Variants in ZNF573 observed in about 807,000 individuals in gnomAD.
ZNF573 encodes the protein zinc finger protein 573.
Under a neutral mutation model 57.4 loss-of-function variants are expected in ZNF573, and 41 were observed. The observed-to-expected ratio is 0.71, with a 90% CI of 0.56 to 0.93. The LOEUF is 0.93. ZNF573 is among the 40% of genes least tolerant of loss of function. ZNF573 has a pLI of 0.00. For synonymous variants in ZNF573, 249 were observed against 261.0 expected (o/e 0.95, Z 0.44); for missense variants, 730 against 794.8 (o/e 0.92, Z 0.98).
chr19:37,769,727 G>GAAAAAAAAAAAAAAAAAA (rs397944905), intron 4 of ZNF573, among the ~76,000 whole-genome samples: 3 of 55,212 alleles, frequency 5.4e-5, no homozygotes, highest in African/African-American at 7.0e-5. Context: ...CTCTGTCTCG[G>GAAAAAAAAAAAAAAAAAA]AAAAAAAAAA....
chr19:37,754,938 G>C (rs558261611), intron 4 of ZNF573, among the ~76,000 whole-genome samples: 2 of 152,020 alleles, frequency 1.3e-5, no homozygotes, highest in Non-Finnish European at 2.9e-5. Flanking sequence ...TAGAGGTAAA[G>C]AATAACAGTC....
At chr19:37,766,061 A>G (rs1207676434) in intron 4 of ZNF573, among the ~76,000 whole-genome samples, 1 of 152,168 alleles carries the variant, frequency 6.6e-6, no homozygotes, top group Admixed American at 6.5e-5. Flanking sequence ...GAAAAGAGAA[A>G]AGACCAAATA....
At chr19:37,763,348 C>T (rs1014023055) in intron 4 of ZNF573, among the ~76,000 whole-genome samples, 4 of 151,486 alleles carry the variant, frequency 2.6e-5, no homozygotes, top group Non-Finnish European at 4.4e-5. Context: ...TTTGGGAGGC[C>T]GTGGTGGGCA....
rs141540761 is a variant in ZNF573 at position 37,740,456 on chromosome 19, A to T, written c.296-262T>A. 39 of 469,174 alleles carry T rather than the reference A, an allele frequency of 8.3e-5. 1 individual carries two copies. The highest frequency in any genetic ancestry group is 5.9e-4 in the African/African-American group (30 of 51,212). The allele number at this position is 469,174 out of a possible 1,614,324, so 29.1% of individuals were successfully genotyped here. ...GACAAGCTTGTTCCAAATCTGCTATATTGGCACCGTCAAAGACCAAGTGAA... is the reference window on the plus strand; with the variant it reads ...GACAAGCTTGTTCCAAATCTGCTATTTTGGCACCGTCAAAGACCAAGTGAA... On this transcript the variant is annotated intron_variant, in intron 4 of 4. Transcript: ENST00000536220.
At chr19:37,772,658 C>T (rs2045669794) in intron 2 of ZNF573, among the ~76,000 whole-genome samples, 1 of 145,806 alleles carries the variant, frequency 6.9e-6, no homozygotes, top group Admixed American at 6.9e-5. Flanking sequence ...TTTTTTGAGA[C>T]AGGCTCACTC....
chr19:37,760,442 T>C (rs1472833767), intron 4 of ZNF573, among the ~76,000 whole-genome samples: 1 of 152,128 alleles, frequency 6.6e-6, no homozygotes, highest in East Asian at 1.9e-4. Flanking sequence ...TTATAACTCA[T>C]GGAATAAAAT....
chr19:37,763,211 A>G lies in ZNF573; in HGVS notation c.295+6794T>C, dbSNP rs140989658. ...ATGCATGAATCACTGCAGCCATGCCACAGGGTGCTGAGCACCAAATACCCA... is the reference window on the plus strand; with the variant it reads ...ATGCATGAATCACTGCAGCCATGCCGCAGGGTGCTGAGCACCAAATACCCA... On this transcript the variant is annotated intron_variant, in intron 4 of 4. Transcript: ENST00000536220. Among the ~76,000 whole-genome samples the G allele has an allele frequency of 2.6e-5, 4 of 152,002 alleles. No individual in the cohort carries two copies. In the East Asian group the frequency reaches 7.7e-4, roughly 29 times the overall value.
At chr19:37,771,499 T>A (rs544264444) in intron 3 of ZNF573, 65 bp downstream of exon 3, 5 of 1,542,644 alleles carry the variant, frequency 3.2e-6, no homozygotes, top group Non-Finnish European at 4.4e-6. Context: ...GCCTTGAAAT[T>A]CATTGTGTTG....
chr19:37,739,778 T>G lies in ZNF573; in HGVS notation c.712A>C (p.Arg238=). The G allele has an allele frequency of 6.2e-7, 1 of 1,614,148 alleles. No individual in the cohort carries two copies. The highest frequency in any genetic ancestry group is 8.5e-7 in the Non-Finnish European group (1 of 1,180,008). Residue 238 remains arginine (R), a synonymous_variant, in exon 5 of 5, where the codon AGA becomes CGA. Transcript: ENST00000536220. The part of the protein sequence containing the change: ...IYASHIVQHE[R]IHTGGKPYEC... Reference sequence around the variant, plus strand: ...TACGGCTTCCCACCAGTGTGAATTCTCTCATGTTGAACAATGTGTGAGGCA... The same window carrying G: ...TACGGCTTCCCACCAGTGTGAATTCGCTCATGTTGAACAATGTGTGAGGCA...
rs111936851 is a variant in ZNF573, at chr19:37,746,487, G to C, written c.296-6293C>G. ...GTCAGAGACATTAGTATGAACTCAT[G>C]TTTAGCTTCAGATGCATACAAATGG... is the stretch of plus-strand genomic sequence containing the variant. On this transcript the variant is annotated intron_variant, in intron 4 of 4. Transcript: ENST00000536220. Among the ~76,000 whole-genome samples, 378 of 152,272 alleles carry C rather than the reference G, an allele frequency of 2.5e-3. 2 individuals are homozygous for C. The highest frequency in any genetic ancestry group is 8.8e-3 in the African/African-American group (367 of 41,566).
chr19:37,778,241 T>C (rs952801557), intron 1 of ZNF573, among the ~76,000 whole-genome samples: 1 of 143,402 alleles, frequency 7.0e-6, no homozygotes, highest in African/African-American at 2.5e-5. Flanking sequence ...TAAGGCTGGG[T>C]GCGGTGGCTC....
intron 4 of ZNF573, among the ~76,000 whole-genome samples, chr19:37,769,408 C>T (rs181094079): frequency 2.6e-4 from 40 of 151,938 alleles, no homozygotes; most frequent in Non-Finnish European, 4.7e-4. Context: ...ACAGTTGAGT[C>T]CAAAATACAG....
intron 4 of ZNF573, chr19:37,759,202 T>G: frequency 1.7e-6 from 1 of 584,058 alleles, no homozygotes; most frequent in African/African-American, 2.0e-5. Flanking sequence ...TAATTACATA[T>G]TATAGAATTA....
At chr19:37,767,363 G>A (rs1383630329) in intron 4 of ZNF573, among the ~76,000 whole-genome samples, 2 of 152,024 alleles carry the variant, frequency 1.3e-5, no homozygotes, top group Non-Finnish European at 2.9e-5. Context: ...TGAGTAGCTG[G>A]GACTACAGGC....
intron 4 of ZNF573, among the ~76,000 whole-genome samples, chr19:37,758,181 C>A (rs1368439445): frequency 9.9e-6 from 1 of 100,714 alleles, no homozygotes; most frequent in African/African-American, 3.7e-5. Flanking sequence ...CACATGTACC[C>A]TAGAACTTAA....
rs537798274 is a variant in ZNF573, at chr19:37,738,639, C to T, written c.1851G>A (p.Lys617=). 6.2e-7 allele frequency: 1 copy of T among 1,611,946 alleles called. No individual in the cohort carries two copies. The highest frequency in any genetic ancestry group is 1.7e-5 in the Admixed American group (1 of 59,558). ...GKPYECKECG[K]AFSRASNLVQ... The stretch of plus-strand genomic sequence containing the variant: ...CAAGGTTTGAAGCACGACTGAAGGC[C>T]TTCCCACATTCTTTACATTCATAAG... The change falls in exon 5 of 5, where the codon AAG becomes AAA. Residue 617 remains lysine, a synonymous_variant. Transcript: ENST00000536220.
intron 4 of ZNF573, among the ~76,000 whole-genome samples, chr19:37,742,657 A>G (rs950806923): frequency 6.6e-6 from 1 of 152,138 alleles, no homozygotes; most frequent in African/African-American, 2.4e-5. Flanking sequence ...CCTTCCTTAC[A>G]CCTTATGTAA....
At chr19:37,745,538 G>T (rs781254758) in intron 4 of ZNF573, among the ~76,000 whole-genome samples, 1 of 152,044 alleles carries the variant, frequency 6.6e-6, no homozygotes, top group African/African-American at 2.4e-5. Flanking sequence ...TGGGATTATA[G>T]GTGCTTGCCA....
chr19:37,764,767 C>A (rs1404357927), intron 4 of ZNF573, among the ~76,000 whole-genome samples: 1 of 150,366 alleles, frequency 6.7e-6, no homozygotes, highest in African/African-American at 2.5e-5. Context: ...CCACGCCCGA[C>A]AAACTTTTTG....
Sources: gnomAD v4.1 joint callset for allele counts (sites outside exome capture counted in the v4.1 genomes callset) on GRCh38, gnomAD v4.1.1 for gene constraint, MANE v1.5 for transcripts, NCBI Gene and HGNC (gene_info 2026-07-23, HGNC 2026-07-21) for gene names.